TACR3: variants seen among roughly 807,000 people sequenced by gnomAD.
TACR3 encodes the protein neuromedin-K receptor.
A neutral mutation model predicts 35.0 loss-of-function variants in TACR3; 34 were observed. The ratio of observed to expected loss-of-function variants is 0.97; its 90% CI spans 0.74 to 1.30. The LOEUF (loss-of-function observed/expected upper bound fraction) is 1.30, where lower values mean the gene tolerates loss of function less well. TACR3 is among the 50% of genes most tolerant of loss of function. The pLI is 0.00. For missense variants in TACR3, 558 were observed against 591.7 expected, an observed-to-expected ratio of 0.94 and a Z score of 0.59; for synonymous variants, 233 against 221.1, an observed-to-expected ratio of 1.05 and a Z score of -0.48.
chr4:103,695,771 T>C (rs903151509), intron 1 of TACR3, among the ~76,000 whole-genome samples: 24 of 151,816 alleles, frequency 1.6e-4, no homozygotes, highest in African/African-American at 5.8e-4. Flanking sequence ...AGTTCTCACA[T>C]ATTATATTTG....
chr4:103,627,181 CAAAAAA>C (rs33988758), intron 3 of TACR3, among the ~76,000 whole-genome samples: 288 of 24,600 alleles, frequency 0.012, 3 homozygotes, highest in African/African-American at 0.043. Flanking sequence ...GACTCCGTCT[CAAAAAA>C]AAAAAAAAAA....
chr4:103,716,216 T>TGTG (rs1491128993), intron 1 of TACR3, among the ~76,000 whole-genome samples: 1 of 35,268 alleles, frequency 2.8e-5, no homozygotes, highest in Non-Finnish European at 4.9e-5. Context: ...AATTTTATCT[T>TGTG]GTGTGTGTGT....
chr4:103,589,935 T>C lies in TACR3; in HGVS notation c.1145A>G (p.Tyr382Cys), dbSNP rs202171658. ...RWCPFIKVSS[Y>C]DELELKTTRF... is the part of the protein sequence containing the mutation. Reference sequence around the variant, plus strand: ...GGTGGTCTTGAGCTCTAGCTCATCATAGCTGGAAACTTTGATGAAAGGACA... The same window carrying C: ...GGTGGTCTTGAGCTCTAGCTCATCACAGCTGGAAACTTTGATGAAAGGACA... The change falls in exon 5 of 5, where the codon TAT (tyrosine) becomes TGT (cysteine). Residue 382 changes from tyrosine (Y) to cysteine (C), a missense_variant. Tyr to Cys is a radical substitution (Grantham distance 194). Transcript: ENST00000304883. 8 of 1,613,856 alleles carry C rather than the reference T, an allele frequency of 5.0e-6. No individual in the cohort carries two copies. The highest frequency in any genetic ancestry group is 1.6e-4 in the Middle Eastern group (1 of 6,082).
At chr4:103,639,222 A>AC (rs1212657769) in intron 3 of TACR3, among the ~76,000 whole-genome samples, 7 of 151,856 alleles carry the variant, frequency 4.6e-5, no homozygotes. Context: ...TGGATTAAGA[A>AC]ACTGTGGCAC....
intron 3 of TACR3, among the ~76,000 whole-genome samples, chr4:103,622,470 G>A (rs1182112557): frequency 5.3e-5 from 8 of 152,142 alleles, no homozygotes; most frequent in African/African-American, 7.2e-5. Flanking sequence ...GGTGGCTCAC[G>A]CCTGCAATCC....
chr4:103,661,402 C>T (rs568868976), intron 1 of TACR3, among the ~76,000 whole-genome samples: 56 of 152,230 alleles, frequency 3.7e-4, no homozygotes, highest in Non-Finnish European at 6.9e-4. Context: ...CAAAGCCAAG[C>T]ACCTGTCAAT....
At chr4:103,687,012 A>G (rs1351900324) in intron 1 of TACR3, among the ~76,000 whole-genome samples, 1 of 152,124 alleles carries the variant, frequency 6.6e-6, no homozygotes, top group Non-Finnish European at 1.5e-5. Flanking sequence ...ATACTGGCAA[A>G]CCGAATCCAG....
intron 1 of TACR3, among the ~76,000 whole-genome samples, chr4:103,695,684 C>A (rs1722505720): frequency 6.7e-6 from 1 of 149,902 alleles, no homozygotes; most frequent in South Asian, 2.1e-4. Context: ...GCTCAAGGGT[C>A]AACAGAATAT....
At chr4:103,684,821 A>G (rs1722190947) in intron 1 of TACR3, among the ~76,000 whole-genome samples, 1 of 151,788 alleles carries the variant, frequency 6.6e-6, no homozygotes, top group African/African-American at 2.4e-5. Context: ...TGGCCAACAT[A>G]GCAAAAAACC....
intron 1 of TACR3, among the ~76,000 whole-genome samples, chr4:103,683,671 A>C (rs377317714): frequency 5.9e-5 from 9 of 152,112 alleles, no homozygotes; most frequent in African/African-American, 1.9e-4. Context: ...ATATTTACTA[A>C]ATTTCCAAAA....
intron 1 of TACR3, among the ~76,000 whole-genome samples, chr4:103,697,555 A>G (rs1388661181): frequency 6.6e-6 from 1 of 151,638 alleles, no homozygotes; most frequent in Non-Finnish European, 1.5e-5. Flanking sequence ...CTCCGGAGTA[A>G]CTGGGACTAC....
intron 4 of TACR3, among the ~76,000 whole-genome samples, chr4:103,590,757 C>T (rs1193513577): frequency 6.6e-6 from 1 of 152,112 alleles, no homozygotes; most frequent in Non-Finnish European, 1.5e-5. Flanking sequence ...ACTTACGAGC[C>T]CTATGAAATT....
intron 3 of TACR3, among the ~76,000 whole-genome samples, chr4:103,637,968 T>C (rs1031912215): frequency 1.3e-5 from 2 of 152,156 alleles, no homozygotes; most frequent in Non-Finnish European, 2.9e-5. Flanking sequence ...GAATATTCCA[T>C]GCTCATGGGT....
chr4:103,667,007 C>T (rs1446121053), intron 1 of TACR3, among the ~76,000 whole-genome samples: 1 of 152,090 alleles, frequency 6.6e-6, no homozygotes, highest in African/African-American at 2.4e-5. Context: ...CCTGTAATCC[C>T]AGCACTTCAG....
intron 3 of TACR3, among the ~76,000 whole-genome samples, chr4:103,629,384 G>C (rs1008443231): frequency 4.6e-5 from 7 of 152,122 alleles, no homozygotes; most frequent in African/African-American, 1.7e-4. Flanking sequence ...TGTATATCTA[G>C]AAAACCCCAT....
chr4:103,642,633 G>T lies in TACR3; in HGVS notation c.888+13561C>A, dbSNP rs962286667. Among the ~76,000 whole-genome samples the T allele has an allele frequency of 2.0e-5, 3 of 151,938 alleles. No homozygotes were observed. In the East Asian group the frequency reaches 5.8e-4, roughly 29 times the overall value. ...ATTGATCTCACGGAAGTACAGAGTA[G>T]AACGGTGATTACCAGAGGCTGGGAA... On this transcript the variant is annotated intron_variant, in intron 3 of 4. Coordinates refer to ENST00000304883, the MANE Select transcript of TACR3 (RefSeq NM_001059.3).
At chr4:103,675,211 AATGTCCTC>A (rs1164035284) in intron 1 of TACR3, among the ~76,000 whole-genome samples, 2 of 152,114 alleles carry the variant, frequency 1.3e-5, no homozygotes, top group Non-Finnish European at 2.9e-5. Flanking sequence ...TGGATCTTGA[AATGTCCTC>A]ATAATGAGTT....
At chr4:103,654,204 C>A (rs1487509425) in intron 3 of TACR3, among the ~76,000 whole-genome samples, 1 of 151,604 alleles carries the variant, frequency 6.6e-6, no homozygotes, top group Non-Finnish European at 1.5e-5. Flanking sequence ...TGGGTATATA[C>A]CCAAAGGATT....
chr4:103,652,441 T>C (rs2077189850), intron 3 of TACR3, among the ~76,000 whole-genome samples: 1 of 152,150 alleles, frequency 6.6e-6, no homozygotes, highest in African/African-American at 2.4e-5. Flanking sequence ...ACATGGCTGC[T>C]GCTGGGGATG....
Sources: allele counts gnomAD v4.1 joint callset (sites outside exome capture counted in the v4.1 genomes callset), GRCh38; gene constraint gnomAD v4.1.1; transcripts MANE v1.5; gene names NCBI Gene and HGNC (gene_info 2026-07-23, HGNC 2026-07-21).